Variants in BCOR observed in about 807,000 individuals in gnomAD.
BCOR encodes the protein BCL6 corepressor.
In BCOR, 10 loss-of-function variants were observed where a neutral mutation model predicts 86.7. The ratio of observed to expected loss-of-function variants is 0.12; its 90% CI spans 0.07 to 0.20. The LOEUF is 0.20. BCOR is among the 10% of genes least tolerant of loss of function. The pLI, the probability that BCOR is intolerant of heterozygous loss-of-function variation, is 1.00. For synonymous variants in BCOR, 611 were observed against 609.0 expected (o/e 1.00, Z -0.05); for missense variants, 1,259 against 1,452.1 (o/e 0.87, Z 2.16).
At chrX:40,173,564 A>C (rs780516050) in intron 1 of BCOR, among the ~76,000 whole-genome samples, 1 of 112,425 alleles carries the variant, frequency 8.9e-6, no homozygotes, top group Non-Finnish European at 1.9e-5. Context: ...AAATGCCCTC[A>C]AACTGTCTAG....
At chrX:40,151,182 T>C (rs970304050) in intron 1 of BCOR, among the ~76,000 whole-genome samples, 1 of 112,256 alleles carries the variant, frequency 8.9e-6, no homozygotes, top group Non-Finnish European at 1.9e-5. Flanking sequence ...AGGAAAAGCA[T>C]CCTTGTGGCA....
At position 40,073,553 on chromosome X, in the gene BCOR, A is replaced by C; in HGVS notation, c.1793T>G (p.Val598Gly). 8.2e-7 allele frequency: 1 copy of C among 1,212,231 alleles called. No homozygotes were observed. Residue 598 changes from valine (V) to glycine (G), a missense_variant, in exon 4 of 15, where the codon GTG (valine) becomes GGG (glycine). Val to Gly is a moderately radical substitution (Grantham distance 109). This residue lies in a region of BCOR where 534 missense variants were observed against 594.8 expected (regional missense o/e 0.90). Transcript: ENST00000378444. ...VETTPSVIQH[V>G]GQPPATPAKH... is the part of the protein sequence containing the mutation. ...GGCAGGAGTGGCCGGGGGCTGGCCC[A>C]CGTGCTGAATAACGGATGGTGTGGT...
rs1935451239 is a variant in BCOR at position 40,071,041 on chromosome X, T to C, written c.3170A>G (p.Asn1057Ser). 2.5e-6 allele frequency: 3 copies of C among 1,211,965 alleles called. No individual in the cohort carries two copies. The East Asian group carries it at 8.9e-5, about 36-fold the overall frequency. The change falls in exon 6 of 15, where the codon AAT becomes AGT. Residue 1057 changes from asparagine (N) to serine (S), a missense_variant. This residue lies in a region of BCOR where 56 missense variants were observed against 106.6 expected (regional missense o/e 0.53). Coordinates refer to ENST00000378444, the MANE Select transcript of BCOR (RefSeq NM_001123385.2). ...GACCGACTTTGGCTTTTTGTCCTGA[T>C]TTCCTTTCAACCTTTCCCAGTCGGC... Reference protein sequence around the residue: ...SPADWERLKGNQDKKPKSVTL... With the variant: ...SPADWERLKGSQDKKPKSVTL...
chrX:40,170,290 G>C (rs1291807179), intron 1 of BCOR, among the ~76,000 whole-genome samples: 4 of 111,533 alleles, frequency 3.6e-5, no homozygotes, highest in Non-Finnish European at 7.5e-5. Flanking sequence ...CAGACTAACA[G>C]AAGGGGATAT....
At chrX:40,071,326 A>C (rs1200421993) in intron 5 of BCOR, among the ~76,000 whole-genome samples, 167 bp from the exon 6 acceptor site, 2 of 112,711 alleles carry the variant, frequency 1.8e-5, no homozygotes, top group Non-Finnish European at 1.9e-5. Flanking sequence ...ATAAAACTTA[A>C]GAGTATCTAT....
At chrX:40,084,710 C>CA (rs1555923365) in intron 1 of BCOR, among the ~76,000 whole-genome samples, 2 of 98,801 alleles carry the variant, frequency 2.0e-5, no homozygotes, top group African/African-American at 4.6e-5. Flanking sequence ...GCCACCCCCC[C>CA]CCACCACCAC....
At chrX:40,152,234 C>T (rs1020734833) in intron 1 of BCOR, among the ~76,000 whole-genome samples, 5 of 112,299 alleles carry the variant, frequency 4.5e-5, no homozygotes, top group Non-Finnish European at 9.4e-5. Flanking sequence ...GGGATATGCT[C>T]AGAACCCAGG....
intron 6 of BCOR, among the ~76,000 whole-genome samples, chrX:40,067,241 G>A (rs1350804683): frequency 9.0e-6 from 1 of 111,559 alleles, no homozygotes; most frequent in Non-Finnish European, 1.9e-5. Flanking sequence ...GGCATCAACA[G>A]GCAGTGACTA....
At position 40,130,313 on chromosome X, in the gene BCOR, C is replaced by T. The variant is rs763141837; in HGVS notation, c.-41+46694G>A. On this transcript the variant is annotated intron_variant, in intron 1 of 14. Coordinates refer to the BCOR transcript ENST00000342274. The stretch of plus-strand genomic sequence containing the variant: ...TGGAGACTGAGGGGAGGGCAGCCTG[C>T]ACTATGACCTATCCTAATGACTCAA... Among the ~76,000 whole-genome samples, 311 of 112,025 alleles carry T rather than the reference C, an allele frequency of 2.8e-3. 1 individual carries two copies. The highest frequency in any genetic ancestry group is 9.7e-3 in the African/African-American group (299 of 30,865).
intron 1 of BCOR, among the ~76,000 whole-genome samples, chrX:40,096,683 CG>C (rs1453315842): frequency 8.9e-6 from 1 of 112,162 alleles, no homozygotes; most frequent in Non-Finnish European, 1.9e-5. Context: ...GAGGAACGAC[CG>C]GCCCCCGGAG....
intron 1 of BCOR, among the ~76,000 whole-genome samples, chrX:40,176,346 CCGGCCT>C (rs1302671536): frequency 8.9e-6 from 1 of 112,856 alleles, no homozygotes; most frequent in East Asian, 2.8e-4. Flanking sequence ...GCAGCCCTCC[CCGGCCT>C]CGGCCTCACG....
intron 1 of BCOR, among the ~76,000 whole-genome samples, chrX:40,080,987 G>GCA (rs1403809544): frequency 6.1e-5 from 2 of 32,734 alleles, no homozygotes; most frequent in East Asian, 1.6e-3. Context: ...ACACACACAC[G>GCA]CGCACACACA....
chrX:40,090,058 G>A (rs1936531457), intron 1 of BCOR, among the ~76,000 whole-genome samples: 1 of 112,236 alleles, frequency 8.9e-6, no homozygotes, highest in East Asian at 2.8e-4. Flanking sequence ...TTCCGGGTCT[G>A]CCCCAGGCTT....
Position 40,073,877 on chromosome X carries a change from G to A in BCOR, c.1469C>T (p.Pro490Leu). 1 of 1,212,255 alleles carries A rather than the reference G, an allele frequency of 8.2e-7. No individual in the cohort carries two copies. The highest frequency in any genetic ancestry group is 1.1e-6 in the Non-Finnish European group (1 of 895,565). Reference protein sequence around the residue: ...SEIPKETLSPPGNGCAIYRSE... With the variant: ...SEIPKETLSPLGNGCAIYRSE... Reference sequence around the variant, plus strand: ...TCTATAGATAGCACAACCATTTCCTGGAGGAGATAGTGTTTCTTTCGGAAT... The same window carrying A: ...TCTATAGATAGCACAACCATTTCCTAGAGGAGATAGTGTTTCTTTCGGAAT... Residue 490 changes from proline (P) to leucine (L), a missense_variant, in exon 4 of 15, where the codon CCA becomes CTA. Pro to Leu is a moderately conservative substitution (Grantham distance 98). Transcript: ENST00000378444.
At chrX:40,165,848 G>A (rs1434695252) in intron 1 of BCOR, among the ~76,000 whole-genome samples, 2 of 111,605 alleles carry the variant, frequency 1.8e-5, no homozygotes, top group Non-Finnish European at 3.8e-5. Flanking sequence ...CACAATCTCA[G>A]CTCACTGCAG....
At chrX:40,084,541 TTTGATC>T (rs914358134) in intron 1 of BCOR, among the ~76,000 whole-genome samples, 2 of 111,785 alleles carry the variant, frequency 1.8e-5, no homozygotes, top group African/African-American at 6.5e-5. Context: ...ACTTGCCCCC[TTTGATC>T]TAGTCCCTGC....
chrX:40,131,452 T>A (rs1937600809), intron 1 of BCOR, among the ~76,000 whole-genome samples: 1 of 111,428 alleles, frequency 9.0e-6, no homozygotes, highest in Admixed American at 9.5e-5. Context: ...AGGTCGGGGG[T>A]TCGAGACCAG....
At chrX:40,104,580 G>A (rs1236149758) in intron 1 of BCOR, among the ~76,000 whole-genome samples, 1 of 110,240 alleles carries the variant, frequency 9.1e-6, no homozygotes, top group African/African-American at 3.3e-5. Flanking sequence ...AGCTGACCTA[G>A]CCTCTGCCCA....
chrX:40,144,085 G>A (rs1937985172), intron 1 of BCOR, among the ~76,000 whole-genome samples: 1 of 93,848 alleles, frequency 1.1e-5, no homozygotes, highest in Non-Finnish European at 2.1e-5. Context: ...GAGGGGAAGA[G>A]GGAAGGTGGT....
Sources: gnomAD v4.1 joint callset for allele counts (sites outside exome capture counted in the v4.1 genomes callset) on GRCh38, gnomAD v4.1.1 for gene constraint, gnomAD v4.1.1 regional missense constraint, MANE v1.5 for transcripts, NCBI Gene and HGNC (gene_info 2026-07-23, HGNC 2026-07-21) for gene names.